Variants in ETAA1 observed in about 807,000 individuals in gnomAD.
The protein encoded by ETAA1 is ewing's tumor-associated antigen 1.
A neutral mutation model predicts 76.8 loss-of-function variants in ETAA1; 49 were observed. The ratio of observed to expected loss-of-function variants is 0.64; its 90% CI spans 0.51 to 0.81. The LOEUF (loss-of-function observed/expected upper bound fraction) is 0.81, where lower values mean the gene tolerates loss of function less well. Among genes scored for constraint, ETAA1 ranks in the 30% least tolerant of loss-of-function variants. ETAA1 has a pLI of 0.00. For synonymous variants in ETAA1, 373 were observed against 372.2 expected, an observed-to-expected ratio of 1.00 and a Z score of -0.03; for missense variants, 1,099 against 1,074.0, an observed-to-expected ratio of 1.02 and a Z score of -0.32.
At position 67,411,035 on chromosome 2, in the gene ETAA1, A is replaced by G. The variant is rs1403495769; in HGVS notation, c.*997A>G. On this transcript the variant is annotated 3_prime_UTR_variant, in exon 6 of 6. Transcript: ENST00000272342. ...AAAAATGAGAATCTTTTTTCTTTTCAGTTTTTCTGTAACTGTAATTTTCCC... is the reference window on the plus strand; with the variant it reads ...AAAAATGAGAATCTTTTTTCTTTTCGGTTTTTCTGTAACTGTAATTTTCCC... 2 of 151,980 alleles carry G rather than the reference A, an allele frequency of 1.3e-5. No individual in the cohort carries two copies. The highest frequency in any genetic ancestry group is 2.9e-5 in the Non-Finnish European group (2 of 67,948). 9.4% of individuals were successfully genotyped at this position (151,980 alleles called of 1,614,324 possible).
chr2:67,406,269 A>AACTT (rs1676218133), intron 5 of ETAA1, among the ~76,000 whole-genome samples: 1 of 152,032 alleles, frequency 6.6e-6, no homozygotes, highest in Non-Finnish European at 1.5e-5. Flanking sequence ...CTTGTCCAGG[A>AACTT]ACTTAGACCG....
At chr2:67,406,737 T>A (rs1188867927) in intron 5 of ETAA1, among the ~76,000 whole-genome samples, 1 of 152,094 alleles carries the variant, frequency 6.6e-6, no homozygotes, top group Non-Finnish European at 1.5e-5. Flanking sequence ...TATATATGTG[T>A]ATGCATATAT....
In ETAA1 at chr2:67,397,487, G is replaced by A. The variant is rs1675904517; in HGVS notation, c.39G>A (p.Pro13=). 6.2e-7 allele frequency: 1 copy of A among 1,603,152 alleles called. No homozygotes were observed. Among genetic ancestry groups the A allele is most frequent in the Non-Finnish European group, 8.5e-7 (1 of 1,174,906 alleles). The change falls in exon 1 of 6, where the codon CCG becomes CCA. Residue 13 remains proline, a synonymous_variant. Coordinates refer to ENST00000272342, the MANE Select transcript of ETAA1 (RefSeq NM_019002.4). The part of the protein sequence containing the change: ...RRRKHDDSPS[P]KKTPHKTVAA... ...GGAAACATGATGACAGCCCTAGCCC[G>A]AAGAAAACGCCGCACAAAACAGTGG... is the stretch of plus-strand genomic sequence containing the variant.
chr2:67,408,590 C>T (rs1157883756), intron 5 of ETAA1, among the ~76,000 whole-genome samples: 1 of 151,776 alleles, frequency 6.6e-6, no homozygotes, highest in East Asian at 1.9e-4. Flanking sequence ...AGAAGAGCAG[C>T]TTTTGCTTAG....
At chr2:67,408,527 T>A (rs560844506) in intron 5 of ETAA1, among the ~76,000 whole-genome samples, 1 of 124,580 alleles carries the variant, frequency 8.0e-6, no homozygotes, top group Non-Finnish European at 1.8e-5. Flanking sequence ...TCTGACTCTT[T>A]CTTTACAGGA....
intron 1 of ETAA1, 124 bp from the exon 2 acceptor site, chr2:67,399,045 T>C (rs1675982301): frequency 2.3e-6 from 2 of 861,848 alleles, no homozygotes; most frequent in Non-Finnish European, 3.5e-6. Flanking sequence ...CAGGTAATTA[T>C]CTCTGGGAAA....
intron 5 of ETAA1, among the ~76,000 whole-genome samples, chr2:67,406,284 C>A (rs1427108843): frequency 6.6e-6 from 1 of 152,148 alleles, no homozygotes; most frequent in African/African-American, 2.4e-5. Context: ...AGACCGTGCT[C>A]TTCCCTTTGA....
Position 67,403,692 on chromosome 2 carries a change from A to G in ETAA1, c.1010A>G (p.Asn337Ser), listed in dbSNP as rs1676119782. The G allele has an allele frequency of 1.2e-6, 2 of 1,613,472 alleles. No homozygotes were observed. The highest frequency in any genetic ancestry group is 1.6e-4 in the Middle Eastern group (1 of 6,062). ...ACTCTGGTCATTGAAAAACTGTCAA[A>G]TAAAACCCCACGATCACTTTCTTCT... ...NETLVIEKLS[N>S]KTPRSLSSQV... The change falls in exon 5 of 6, where the codon AAT (asparagine) becomes AGT (serine). Residue 337 changes from asparagine to serine, a missense_variant. Physicochemically the swap from Asn to Ser is conservative, Grantham distance 46 (BLOSUM62 1). Transcript: ENST00000272342.
Position 67,403,271 on chromosome 2 carries a change from C to A in ETAA1, c.589C>A (p.Gln197Lys), listed in dbSNP as rs1176332895. ...AGAAGAACTTATGAAACTGGCTAAA[C>A]AATTTGATAAAAATATGGAAGAGCT... ...QEEELMKLAKQFDKNMEELDV... is the reference protein window; with the variant it reads ...QEEELMKLAKKFDKNMEELDV... The change falls in exon 5 of 6, where the codon CAA becomes AAA. Residue 197 changes from glutamine to lysine, a missense_variant. Around this residue, in one of 3 missense-constraint regions of ETAA1, gnomAD observed 761 missense variants for 731.9 expected, o/e 1.04. Coordinates refer to ENST00000272342, the MANE Select transcript of ETAA1 (RefSeq NM_019002.4). The A allele has an allele frequency of 1.3e-6, 2 of 1,589,886 alleles. No individual in the cohort carries two copies. Among genetic ancestry groups the A allele is most frequent in the Non-Finnish European group, 1.7e-6 (2 of 1,171,722 alleles).
Position 67,403,739 on chromosome 2 carries a change from A to G in ETAA1, c.1057A>G (p.Thr353Ala). Residue 353 changes from threonine to alanine, a missense_variant, in exon 5 of 6, where the codon ACA (threonine) becomes GCA (alanine). Transcript: ENST00000272342. ...TTCTCAAGTAGATACACCCATAATG[A>G]CAAAATCATGTGTGACTTCCTGTAC... Reference protein sequence around the residue: ...LSSQVDTPIMTKSCVTSCTKE... With the variant: ...LSSQVDTPIMAKSCVTSCTKE... 6.2e-7 allele frequency: 1 copy of G among 1,613,466 alleles called. No individual in the cohort carries two copies. Among genetic ancestry groups the G allele is most frequent in the Non-Finnish European group, 8.5e-7 (1 of 1,179,512 alleles).
At chr2:67,399,454 T>C in intron 2 of ETAA1, 96 bp from the exon 3 acceptor site, 1 of 1,154,574 alleles carries the variant, frequency 8.7e-7, no homozygotes, top group Non-Finnish European at 1.3e-6. Context: ...TCCTCTAAGC[T>C]GCACTAAATA....
chr2:67,404,133 C>A lies in ETAA1; in HGVS notation c.1451C>A (p.Ser484Tyr). The stretch of plus-strand genomic sequence containing the variant: ...GGAAATAAAATGAAATTTGAGAACT[C>A]TTCCAATAAAATTGTTATTCAAGAC... ...STGNKMKFEN[S>Y]SNKIVIQDEI... Residue 484 changes from serine to tyrosine, a missense_variant, in exon 5 of 6, where the codon TCT (serine) becomes TAT (tyrosine). By Grantham distance (144) the Ser-to-Tyr change is moderately radical. Around this residue, in one of 3 missense-constraint regions of ETAA1, gnomAD observed 761 missense variants for 731.9 expected, o/e 1.04. Coordinates refer to ENST00000272342, the MANE Select transcript of ETAA1 (RefSeq NM_019002.4). The A allele has an allele frequency of 1.3e-6, 2 of 1,590,102 alleles. No individual in the cohort carries two copies. Among genetic ancestry groups the A allele is most frequent in the Non-Finnish European group, 1.7e-6 (2 of 1,171,640 alleles).
At position 67,404,167 on chromosome 2, in the gene ETAA1, A is replaced by G. The variant is rs971704214; in HGVS notation, c.1485A>G (p.Gln495=). The change falls in exon 5 of 6, where the codon CAA becomes CAG. Residue 495 remains glutamine, a synonymous_variant. Transcript: ENST00000272342. ...SNKIVIQDEI[Q]NCIVTSNLTK... The stretch of plus-strand genomic sequence containing the variant: ...AAATTGTTATTCAAGACGAAATTCA[A>G]AATTGTATAGTTACATCTAATCTGA... The G allele has an allele frequency of 2.5e-6, 4 of 1,598,154 alleles. No homozygotes were observed. In the Admixed American group the frequency reaches 7.2e-5, roughly 29 times the overall value.
rs191028204 is a variant in ETAA1, at chr2:67,397,582, C to T, written c.134C>T (p.Pro45Leu). 230 of 1,558,308 alleles carry T rather than the reference C, an allele frequency of 1.5e-4. 1 individual carries two copies. The East Asian group carries it at 5.5e-3, about 37-fold the overall frequency. ...CTGAGATCGGCCCGCGGTTCGTGGCCCTGCGGGGCTAGAGAGGGGCCTCCC... is the reference window on the plus strand; with the variant it reads ...CTGAGATCGGCCCGCGGTTCGTGGCTCTGCGGGGCTAGAGAGGGGCCTCCC... ...RRLRSARGSWPCGAREGPPGP... is the reference protein window; with the variant it reads ...RRLRSARGSWLCGAREGPPGP... Residue 45 changes from proline (P) to leucine (L), a missense_variant, in exon 1 of 6, where the codon CCC (proline) becomes CTC (leucine). By Grantham distance (98) the Pro-to-Leu change is moderately conservative. Transcript: ENST00000272342.
chr2:67,410,219 T>A lies in ETAA1; in HGVS notation c.*181T>A. ...AATGAAACATTTCCTTGGACATGTATTTGAAAGTCATTAAATACAAAAGTT... is the reference window on the plus strand; with the variant it reads ...AATGAAACATTTCCTTGGACATGTAATTGAAAGTCATTAAATACAAAAGTT... On this transcript the variant is annotated 3_prime_UTR_variant, in exon 6 of 6. Coordinates refer to ENST00000272342, the MANE Select transcript of ETAA1 (RefSeq NM_019002.4). The A allele has an allele frequency of 1.7e-6, 1 of 594,784 alleles. No individual in the cohort carries two copies. Among genetic ancestry groups the A allele is most frequent in the Non-Finnish European group, 2.8e-6 (1 of 353,992 alleles). The allele number at this position is 594,784 out of a possible 1,614,324, so 36.8% of individuals were successfully genotyped here.
chr2:67,404,512 G>A lies in ETAA1; in HGVS notation c.1830G>A (p.Leu610=). 1 of 1,613,344 alleles carries A rather than the reference G, an allele frequency of 6.2e-7. No homozygotes were observed. The highest frequency in any genetic ancestry group is 8.5e-7 in the Non-Finnish European group (1 of 1,179,540). ...CAGATGATGTAGATGATGATTTGTT[G>A]TACCAAGCATGTGATGATATTGAAA... The part of the protein sequence containing the change: ...WEADDVDDDL[L]YQACDDIERL... The change falls in exon 5 of 6, where the codon TTG becomes TTA. Residue 610 remains leucine, a synonymous_variant. Transcript: ENST00000272342.
chr2:67,400,553 C>A (rs1676025626), intron 3 of ETAA1: 1 of 152,082 alleles, frequency 6.6e-6, no homozygotes, highest in Non-Finnish European at 1.5e-5. Context: ...TCCAGTAACT[C>A]TAATATTATA....
chr2:67,407,246 T>TAAA (rs71395915), intron 5 of ETAA1, among the ~76,000 whole-genome samples: 3 of 102,294 alleles, frequency 2.9e-5, no homozygotes, highest in African/African-American at 7.1e-5. Context: ...GCTGATGAAC[T>TAAA]AAAAAAAAAA....
At chr2:67,407,354 C>T (rs1676248264) in intron 5 of ETAA1, among the ~76,000 whole-genome samples, 1 of 151,716 alleles carries the variant, frequency 6.6e-6, no homozygotes, top group African/African-American at 2.4e-5. Flanking sequence ...GGGTAGCTTG[C>T]GGGCTGCGGG....
Sources: gnomAD v4.1 joint callset for allele counts (sites outside exome capture counted in the v4.1 genomes callset) on GRCh38, gnomAD v4.1.1 for gene constraint, gnomAD v4.1.1 regional missense constraint, MANE v1.5 for transcripts, NCBI Gene and HGNC (gene_info 2026-07-23, HGNC 2026-07-21) for gene names.